The following DLC1 variants were observed in gnomAD, a reference collection of about 807,000 sequenced individuals.
DLC1 encodes the protein rho GTPase-activating protein 7.
In DLC1, 54 loss-of-function variants were observed where a neutral mutation model predicts 140.3. The ratio of observed to expected loss-of-function variants is 0.38; its 90% confidence interval spans 0.31 to 0.48. The LOEUF (loss-of-function observed/expected upper bound fraction) is 0.48, where lower values mean the gene tolerates loss of function less well. Ranked by LOEUF, DLC1 falls within the 20% of genes least tolerant of loss-of-function variation. The pLI is 0.96. For synonymous variants in DLC1, 986 were observed against 728.1 expected (o/e 1.35, Z -5.70); for missense variants, 2,536 against 1,907.0 (o/e 1.33, Z -6.14).
chr8:13,468,354 C>CTCCCA (rs1800045678), intron 2 of DLC1, among the ~76,000 whole-genome samples: 1 of 126,196 alleles, frequency 7.9e-6, no homozygotes, highest in Non-Finnish European at 1.7e-5. Context: ...CTCCCCTCCC[C>CTCCCA]TCCCCTCCCC....
At chr8:13,244,203 C>A (rs1355093531) in intron 5 of DLC1, among the ~76,000 whole-genome samples, 1 of 152,112 alleles carries the variant, frequency 6.6e-6, no homozygotes, top group Non-Finnish European at 1.5e-5. Flanking sequence ...CTCTTAGATA[C>A]TTACAGTGAC....
rs1274921221 is a variant in DLC1, at chr8:13,098,683, A to C, written c.2991-108T>G. 24 of 1,201,264 alleles carry C rather than the reference A, an allele frequency of 2.0e-5. No homozygotes were observed. The Admixed American group carries it at 6.2e-4, about 31-fold the overall frequency. 74.4% of individuals were successfully genotyped at this position (1,201,264 alleles called of 1,614,324 possible). ...CAGGCTGGAGTGCAGTGGTGCCATC[A>C]CAGCTCACTGCAGCCTTGAACTCCT... On this transcript the variant is annotated intron_variant, in intron 9 of 17. Coordinates refer to ENST00000276297, the MANE Select transcript of DLC1 (RefSeq NM_182643.3).
intron 2 of DLC1, among the ~76,000 whole-genome samples, chr8:13,438,366 G>T (rs779953322): frequency 5.9e-5 from 9 of 152,054 alleles, no homozygotes; most frequent in Non-Finnish European, 1.0e-4. Flanking sequence ...GATAAATATC[G>T]TGTTTCTTTT....
Position 13,562,584 on chromosome 8 carries a change from G to C in DLC1, c.-126+41953C>G, listed in dbSNP as rs925854036. 4.7e-4 allele frequency among the ~76,000 whole-genome samples: 72 copies of C among 152,086 alleles called. 1 individual carries two copies. Among genetic ancestry groups the C allele is most frequent in the Non-Finnish European group, 1.2e-4 (8 of 68,014 alleles). Reference sequence around the variant, plus strand: ...TTTGAGAACATACCCTGCTGGCCAGGCTTTTGGGAACAGATGCTCCCATAC... The same window carrying C: ...TTTGAGAACATACCCTGCTGGCCAGCCTTTTGGGAACAGATGCTCCCATAC... On this transcript the variant is annotated intron_variant, in intron 1 of 1. Transcript: ENST00000631382.
At chr8:13,088,871 T>C (rs1315595123) in intron 15 of DLC1, 167 bp from the exon 16 acceptor site, 1 of 574,866 alleles carries the variant, frequency 1.7e-6, no homozygotes, top group Admixed American at 3.3e-5. Flanking sequence ...TATTGGGGGC[T>C]AATAAATCTA....
chr8:13,194,311 T>G (rs1585884646), intron 5 of DLC1, among the ~76,000 whole-genome samples: 4 of 152,366 alleles, frequency 2.6e-5, no homozygotes, highest in Admixed American at 2.6e-4. Flanking sequence ...CGATTCAACA[T>G]CAGCCTCGGA....
At chr8:13,409,373 G>A (rs943061384) in intron 2 of DLC1, among the ~76,000 whole-genome samples, 1 of 151,968 alleles carries the variant, frequency 6.6e-6, no homozygotes, top group African/African-American at 2.4e-5. Flanking sequence ...AGCTTGTTTT[G>A]GTCTCTCAAA....
At chr8:13,505,907 A>C (rs1232166071) in intron 1 of DLC1, among the ~76,000 whole-genome samples, 1 of 152,244 alleles carries the variant, frequency 6.6e-6, no homozygotes, top group Non-Finnish European at 1.5e-5. Context: ...ACATTAGTAC[A>C]TGCACATAAA....
chr8:13,521,124 C>G (rs992956672), intron 1 of DLC1, among the ~76,000 whole-genome samples: 4 of 152,026 alleles, frequency 2.6e-5, no homozygotes, highest in African/African-American at 9.7e-5. Flanking sequence ...AGCTGGAAGC[C>G]ATAATCCTCA....
At chr8:13,128,637 C>A (rs1821796477) in intron 5 of DLC1, among the ~76,000 whole-genome samples, 1 of 152,142 alleles carries the variant, frequency 6.6e-6, no homozygotes, top group African/African-American at 2.4e-5. Flanking sequence ...TCCAGACCAT[C>A]CTGGCTAACA....
chr8:13,275,139 T>C (rs576885948), intron 5 of DLC1, among the ~76,000 whole-genome samples: 1 of 152,350 alleles, frequency 6.6e-6, no homozygotes, highest in South Asian at 2.1e-4. Context: ...CTGGGGAATA[T>C]TGTTTAGTGC....
At chr8:13,224,623 G>C (rs894028987) in intron 5 of DLC1, among the ~76,000 whole-genome samples, 1 of 152,154 alleles carries the variant, frequency 6.6e-6, no homozygotes, top group Non-Finnish European at 1.5e-5. Context: ...ATTCTATTCT[G>C]GGAAGGTTCT....
At chr8:13,566,983 T>A in intron 1 of DLC1, 2 of 1,537,994 alleles carry the variant, frequency 1.3e-6, no homozygotes, top group Non-Finnish European at 1.8e-6. Flanking sequence ...CCGAGCCTGA[T>A]GCATTGTGAT....
At chr8:13,473,366 G>A (rs748674519) in intron 2 of DLC1, among the ~76,000 whole-genome samples, 2 of 152,158 alleles carry the variant, frequency 1.3e-5, no homozygotes, top group Non-Finnish European at 2.9e-5. Flanking sequence ...CACGAGATCT[G>A]ATGGTTTTAA....
chr8:13,587,289 G>GA lies in DLC1; in HGVS notation c.-126+17247dup, dbSNP rs61556502. On this transcript the variant is annotated intron_variant, in intron 1 of 1. Coordinates refer to the DLC1 transcript ENST00000631382. ...GTGCTTTTAGTGTAACCATAGCCAA[G>GA]AAAAAAAAAAGAGAGAGAAAGAGAT... Among the ~76,000 whole-genome samples, 31 of 144,960 alleles carry GA rather than the reference G, an allele frequency of 2.1e-4. 1 individual carries two copies. In the South Asian group the frequency reaches 4.8e-3, roughly 22 times the overall value.
chr8:13,435,273 G>C (rs2092723008), intron 2 of DLC1, among the ~76,000 whole-genome samples: 1 of 152,246 alleles, frequency 6.6e-6, no homozygotes, highest in Non-Finnish European at 1.5e-5. Context: ...TGGCTGAATG[G>C]CTGCAATCTC....
intron 1 of DLC1, among the ~76,000 whole-genome samples, chr8:13,501,773 T>G (rs940485657): frequency 6.6e-6 from 1 of 152,220 alleles, no homozygotes; most frequent in Non-Finnish European, 1.5e-5. Context: ...ACATTTTCCA[T>G]GTTGACGTTC....
At chr8:13,350,534 G>A (rs1326782201) in intron 4 of DLC1, among the ~76,000 whole-genome samples, 1 of 152,024 alleles carries the variant, frequency 6.6e-6, no homozygotes, top group Non-Finnish European at 1.5e-5. Context: ...AGGCCAACAT[G>A]GCCAAATCCT....
rs576643581 is a variant in DLC1 at position 13,487,790 on chromosome 8, C to G, written c.1023+11259G>C. Among the ~76,000 whole-genome samples, 4 of 152,194 alleles carry G rather than the reference C, an allele frequency of 2.6e-5. No individual in the cohort carries two copies. In the East Asian group the frequency reaches 7.7e-4, roughly 29 times the overall value. ...GTTTCACCATCTTGGCCAGGCTGGT[C>G]TTGAACTCCTGACCTTGTGATCCAC... On this transcript the variant is annotated intron_variant, in intron 2 of 17. Coordinates refer to ENST00000276297, the MANE Select transcript of DLC1 (RefSeq NM_182643.3).
Sources: gnomAD v4.1 joint callset for allele counts (sites outside exome capture counted in the v4.1 genomes callset) on GRCh38, gnomAD v4.1.1 for gene constraint, MANE v1.5 for transcripts, NCBI Gene and HGNC (gene_info 2026-07-23, HGNC 2026-07-21) for gene names.